Variants in XRCC4 observed in about 807,000 individuals in gnomAD.
XRCC4 encodes DNA repair protein XRCC4.
Under a neutral mutation model 39.1 loss-of-function variants are expected in XRCC4, and 28 were observed. The observed-to-expected ratio is 0.72, with a 90% CI of 0.53 to 0.98. The LOEUF is 0.98. XRCC4 is among the 50% of genes least tolerant of loss of function. XRCC4 has a pLI of 0.00. For missense variants in XRCC4, 350 were observed against 376.4 expected, an observed-to-expected ratio of 0.93 and a Z score of 0.58; for synonymous variants, 123 against 126.4, an observed-to-expected ratio of 0.97 and a Z score of 0.18.
intron 7 of XRCC4, among the ~76,000 whole-genome samples, chr5:83,309,267 A>AG: frequency 1.6e-5 from 1 of 61,502 alleles, no homozygotes; most frequent in Non-Finnish European, 2.7e-5. Flanking sequence ...ACTCCGTCTC[A>AG]AAAAAAAAAA....
At chr5:83,314,385 C>G (rs1256467114) in intron 7 of XRCC4, among the ~76,000 whole-genome samples, 1 of 152,036 alleles carries the variant, frequency 6.6e-6, no homozygotes, top group Non-Finnish European at 1.5e-5. Context: ...TATATTAGTC[C>G]AGATTCTCTA....
intron 4 of XRCC4, among the ~76,000 whole-genome samples, chr5:83,200,289 A>T (rs1332882534): frequency 6.6e-6 from 1 of 152,180 alleles, no homozygotes; most frequent in African/African-American, 2.4e-5. Flanking sequence ...CTTTTTCTCC[A>T]GTCAGCTCCC....
chr5:83,155,750 G>A (rs1463844590), intron 3 of XRCC4, among the ~76,000 whole-genome samples: 1 of 151,994 alleles, frequency 6.6e-6, no homozygotes, highest in African/African-American at 2.4e-5. Flanking sequence ...CCAGTTTAAT[G>A]TCAATATTCA....
At chr5:83,303,781 C>G (rs1029140198) in intron 7 of XRCC4, among the ~76,000 whole-genome samples, 1 of 152,030 alleles carries the variant, frequency 6.6e-6, no homozygotes, top group African/African-American at 2.4e-5. Flanking sequence ...GAAGAAAGAT[C>G]TAAGATAATG....
At chr5:83,085,460 A>G (rs1054070914) in intron 1 of XRCC4, among the ~76,000 whole-genome samples, 2 of 138,016 alleles carry the variant, frequency 1.4e-5, no homozygotes, top group African/African-American at 5.8e-5. Flanking sequence ...TTAAAAAGTT[A>G]AAGTTTAAAT....
chr5:83,302,257 CAA>C (rs778098766), intron 7 of XRCC4, among the ~76,000 whole-genome samples: 24 of 134,026 alleles, frequency 1.8e-4, no homozygotes, highest in South Asian at 2.4e-4. Flanking sequence ...AATGGGGTAC[CAA>C]AAAAAAAAAA....
chr5:83,116,881 C>G (rs186269962), intron 3 of XRCC4, among the ~76,000 whole-genome samples: 1 of 152,182 alleles, frequency 6.6e-6, no homozygotes, highest in Admixed American at 6.5e-5. Flanking sequence ...CTCGGCCTCC[C>G]AAAGTGCTGG....
intron 3 of XRCC4, among the ~76,000 whole-genome samples, chr5:83,191,722 G>C (rs760564258): frequency 2.0e-5 from 3 of 152,048 alleles, no homozygotes; most frequent in Non-Finnish European, 4.4e-5. Flanking sequence ...ACAAAAAACA[G>C]GTTTCCCTGC....
chr5:83,183,453 T>TGTGTGG (rs1190593999), intron 3 of XRCC4, among the ~76,000 whole-genome samples: 144 of 138,534 alleles, frequency 1.0e-3, no homozygotes, highest in Middle Eastern at 3.8e-3. Flanking sequence ...TGTGTGTGTG[T>TGTGTGG]GGCACATCAA....
intron 7 of XRCC4, among the ~76,000 whole-genome samples, chr5:83,325,351 G>A (rs1278566005): frequency 6.6e-6 from 1 of 151,902 alleles, no homozygotes; most frequent in African/African-American, 2.4e-5. Context: ...GGACATGCAG[G>A]TTTGATACAT....
chr5:83,099,922 T>C (rs939344487), intron 1 of XRCC4, among the ~76,000 whole-genome samples: 2 of 152,192 alleles, frequency 1.3e-5, no homozygotes, highest in Admixed American at 6.6e-5. Flanking sequence ...CATTTGCTCT[T>C]ACTGAATCTT....
intron 3 of XRCC4, among the ~76,000 whole-genome samples, chr5:83,143,451 AAAAAT>A (rs1164801101): frequency 6.6e-6 from 1 of 152,190 alleles, no homozygotes; most frequent in East Asian, 1.9e-4. Context: ...TCTAAACTAA[AAAAAT>A]AAAATTATAA....
intron 7 of XRCC4, among the ~76,000 whole-genome samples, chr5:83,348,634 T>A (rs144512122): frequency 6.6e-6 from 1 of 152,366 alleles, no homozygotes; most frequent in East Asian, 1.9e-4. Flanking sequence ...GGGGCTGCCA[T>A]GAAGATCTCT....
At chr5:83,084,713 G>A (rs998513513) in intron 1 of XRCC4, among the ~76,000 whole-genome samples, 4 of 152,040 alleles carry the variant, frequency 2.6e-5, no homozygotes, top group Non-Finnish European at 5.9e-5. Context: ...TCTCTGACAC[G>A]TAGCACAAAA....
At chr5:83,085,237 C>T (rs1333674874) in intron 1 of XRCC4, among the ~76,000 whole-genome samples, 2 of 152,126 alleles carry the variant, frequency 1.3e-5, no homozygotes, top group Non-Finnish European at 2.9e-5. Flanking sequence ...AAATGAGATG[C>T]AGCCATTGTT....
chr5:83,237,507 A>T (rs1260690467), intron 6 of XRCC4, among the ~76,000 whole-genome samples: 1 of 152,174 alleles, frequency 6.6e-6, no homozygotes, highest in Non-Finnish European at 1.5e-5. Context: ...GGAGCTAAAA[A>T]AAATGCAAAT....
chr5:83,165,976 C>T (rs117010383), intron 3 of XRCC4, among the ~76,000 whole-genome samples: 1 of 151,248 alleles, frequency 6.6e-6, no homozygotes, highest in Non-Finnish European at 1.5e-5. Context: ...ACCTCCACCC[C>T]CTGGGTCCAA....
chr5:83,170,837 C>T (rs6887915), intron 3 of XRCC4, among the ~76,000 whole-genome samples: 51,904 of 151,890 alleles, frequency 0.34, 9,521 homozygotes, highest in Non-Finnish European at 0.41. Context: ...GGGGATTATA[C>T]GGGGCAGGGC....
intron 7 of XRCC4, among the ~76,000 whole-genome samples, chr5:83,338,317 T>C (rs1313319613): frequency 6.6e-6 from 1 of 152,184 alleles, no homozygotes; most frequent in Non-Finnish European, 1.5e-5. Flanking sequence ...ATAGTTCGGA[T>C]GACAGATGAT....
Sources: gnomAD v4.1 joint callset for allele counts (sites outside exome capture counted in the v4.1 genomes callset) on GRCh38, gnomAD v4.1.1 for gene constraint, MANE v1.5 for transcripts, NCBI Gene and HGNC (gene_info 2026-07-23, HGNC 2026-07-21) for gene names.